Variants in CERS3 observed in about 807,000 individuals in gnomAD.
The protein encoded by CERS3 is ceramide synthase 3.
CERS3 carries 33 observed loss-of-function variants against 50.3 expected under a neutral mutation model. That is an observed-to-expected ratio of 0.66 (90% CI 0.50 to 0.88). The LOEUF is 0.88. Among genes scored for constraint, CERS3 ranks in the 40% least tolerant of loss-of-function variants. The pLI, the probability that CERS3 is intolerant of heterozygous loss-of-function variation, is 0.00. For missense variants in CERS3, 470 were observed against 460.3 expected, an observed-to-expected ratio of 1.02 and a Z score of -0.19; for synonymous variants, 176 against 155.2, an observed-to-expected ratio of 1.13 and a Z score of -0.99.
chr15:100,434,760 A>C (rs1347426459), intron 11 of CERS3, among the ~76,000 whole-genome samples: 1 of 152,226 alleles, frequency 6.6e-6, no homozygotes, highest in Non-Finnish European at 1.5e-5. Context: ...TTAACAGGCC[A>C]CAAACTGTGC....
intron 10 of CERS3, among the ~76,000 whole-genome samples, chr15:100,465,202 G>A (rs555398181): frequency 6.6e-6 from 1 of 152,104 alleles, no homozygotes; most frequent in African/African-American, 2.4e-5. Flanking sequence ...GCCGCCCACA[G>A]TGCCTCTAAA....
chr15:100,493,448 C>T (rs1209602045), intron 3 of CERS3, among the ~76,000 whole-genome samples: 1 of 152,134 alleles, frequency 6.6e-6, no homozygotes, highest in Non-Finnish European at 1.5e-5. Context: ...ATGAGTTGTT[C>T]CACTCTTGCT....
intron 3 of CERS3, 107 bp downstream of exon 3, chr15:100,501,570 C>A (rs1389301174): frequency 1.1e-5 from 11 of 961,668 alleles, no homozygotes; most frequent in Non-Finnish European, 1.6e-5. Flanking sequence ...TTAGTGGCAA[C>A]CTCTGAACAA....
At chr15:100,469,977 G>A (rs768510321) in intron 9 of CERS3, among the ~76,000 whole-genome samples, 1 of 152,122 alleles carries the variant, frequency 6.6e-6, no homozygotes, top group Non-Finnish European at 1.5e-5. Flanking sequence ...GGCAGCTCTC[G>A]GGGTCCTGAA....
At chr15:100,482,545 T>G (rs2035341011) in intron 5 of CERS3, among the ~76,000 whole-genome samples, 1 of 152,026 alleles carries the variant, frequency 6.6e-6, no homozygotes, top group South Asian at 2.1e-4. Context: ...TTCTTATTGC[T>G]AGGTGGAAAT....
chr15:100,520,198 G>A (rs1455536349), intron 2 of CERS3, among the ~76,000 whole-genome samples: 1 of 152,156 alleles, frequency 6.6e-6, no homozygotes, highest in African/African-American at 2.4e-5. Flanking sequence ...GGGGAAGGCA[G>A]GGGACGTAGC....
chr15:100,494,198 CTTTT>C (rs1270619627), intron 3 of CERS3, among the ~76,000 whole-genome samples: 93 of 126,428 alleles, frequency 7.4e-4, no homozygotes, highest in Admixed American at 1.3e-3. Context: ...GCTTAGTCAC[CTTTT>C]TTCTTTTCAT....
At position 100,402,628 on chromosome 15, in the gene CERS3, A is replaced by G. The variant is rs2030634578; in HGVS notation, c.*85T>C. 2.2e-6 allele frequency: 3 copies of G among 1,347,702 alleles called. No individual in the cohort carries two copies. Among genetic ancestry groups the G allele is most frequent in the South Asian group, 2.7e-5 (2 of 73,616 alleles). The allele number at this position is 1,347,702 out of a possible 1,614,324, so 83.5% of individuals were successfully genotyped here. ...GTGGTGAGAAAGAGGGAAGGGCAGA[A>G]TGTGGGGTCGGTGTGGGGCCTGGAA... is the stretch of plus-strand genomic sequence containing the variant. On this transcript the variant is annotated 3_prime_UTR_variant, in exon 12 of 12. Coordinates refer to ENST00000679737, the MANE Select transcript of CERS3 (RefSeq NM_001378789.1).
intron 4 of CERS3, among the ~76,000 whole-genome samples, chr15:100,488,782 G>GCT (rs1555530965): frequency 9.7e-5 from 14 of 144,982 alleles, no homozygotes; most frequent in South Asian, 2.2e-4. Flanking sequence ...ATATATAACT[G>GCT]TTTTTTTTTT....
chr15:100,518,700 T>C (rs2036560340), intron 2 of CERS3, among the ~76,000 whole-genome samples: 1 of 152,234 alleles, frequency 6.6e-6, no homozygotes, highest in Non-Finnish European at 1.5e-5. Flanking sequence ...CAGGATTTCC[T>C]AGCTCGACAC....
At chr15:100,442,098 G>A (rs1450528550) in intron 11 of CERS3, among the ~76,000 whole-genome samples, 2 of 152,102 alleles carry the variant, frequency 1.3e-5, no homozygotes, top group African/African-American at 2.4e-5. Flanking sequence ...TTAAAAAGGT[G>A]GCTGGAGAGC....
Position 100,469,448 on chromosome 15 carries a change from T to C in CERS3, c.775A>G (p.Thr259Ala). Residue 259 changes from threonine to alanine, a missense_variant, in exon 10 of 12, where the codon ACC (threonine) becomes GCC (alanine). Thr to Ala is a moderately conservative substitution (Grantham distance 58, BLOSUM62 0). Coordinates refer to ENST00000679737, the MANE Select transcript of CERS3 (RefSeq NM_001378789.1). ...AAGATGAAAAACAGGGTGTTACAGG[T>C]CTGCGTCCATCCAGCATAAGAAAAC... is the stretch of plus-strand genomic sequence containing the variant. ...KMFSYAGWTQTCNTLFFIFST... is the reference protein window; with the variant it reads ...KMFSYAGWTQACNTLFFIFST... 1 of 1,613,984 alleles carries C rather than the reference T, an allele frequency of 6.2e-7. No homozygotes were observed.
intron 1 of CERS3, among the ~76,000 whole-genome samples, chr15:100,534,811 C>G (rs1012727521): frequency 2.0e-5 from 3 of 151,856 alleles, no homozygotes; most frequent in Admixed American, 2.0e-4. Flanking sequence ...ATAATCACAG[C>G]TAACATTCAC....
intron 2 of CERS3, among the ~76,000 whole-genome samples, chr15:100,505,504 T>C (rs2036150143): frequency 6.6e-6 from 1 of 152,194 alleles, no homozygotes; most frequent in African/African-American, 2.4e-5. Context: ...AGACAATAAA[T>C]CTACATTCTT....
chr15:100,423,109 A>G (rs956299669), intron 11 of CERS3, among the ~76,000 whole-genome samples: 19 of 152,138 alleles, frequency 1.2e-4, no homozygotes, highest in African/African-American at 4.6e-4. Context: ...TTAAAAAAAA[A>G]AGAAAATAAC....
chr15:100,517,516 A>C (rs1396855969), intron 2 of CERS3, among the ~76,000 whole-genome samples: 1 of 152,206 alleles, frequency 6.6e-6, no homozygotes, highest in Non-Finnish European at 1.5e-5. Flanking sequence ...CACCAAAGGA[A>C]TCATTTTATG....
chr15:100,488,426 A>T (rs927399270), intron 4 of CERS3, among the ~76,000 whole-genome samples: 6 of 152,180 alleles, frequency 3.9e-5, no homozygotes, highest in Non-Finnish European at 7.3e-5. Flanking sequence ...TCAGTACAAA[A>T]CTGTTTTTCA....
chr15:100,533,203 C>A (rs1343002863), upstream of CERS3, among the ~76,000 whole-genome samples: 1 of 152,196 alleles, frequency 6.6e-6, no homozygotes. Context: ...TCCCTCCCTA[C>A]AAACTCCAGC....
chr15:100,484,394 A>C (rs982680199), intron 5 of CERS3, among the ~76,000 whole-genome samples, 156 bp downstream of exon 5: 1 of 152,192 alleles, frequency 6.6e-6, no homozygotes, highest in Non-Finnish European at 1.5e-5. Flanking sequence ...GGAAGCAGAG[A>C]AGGCAAATAT....
Sources: allele counts gnomAD v4.1 joint callset (sites outside exome capture counted in the v4.1 genomes callset), GRCh38; gene constraint gnomAD v4.1.1; transcripts MANE v1.5; gene names NCBI Gene and HGNC (gene_info 2026-07-23, HGNC 2026-07-21).